The following GPR107 variants were observed in gnomAD, a reference collection of about 807,000 sequenced individuals.
GPR107 encodes the protein protein GPR107.
In GPR107, 31 loss-of-function variants were observed where a neutral mutation model predicts 75.5. That is an observed-to-expected ratio of 0.41 (90% CI 0.31 to 0.55). The LOEUF is 0.55. Among genes scored for constraint, GPR107 ranks in the 20% least tolerant of loss-of-function variants. The pLI, the probability that GPR107 is intolerant of heterozygous loss-of-function variation, is 0.26. For missense variants in GPR107, 572 were observed against 665.7 expected (o/e 0.86, Z 1.55); for synonymous variants, 267 against 251.3 (o/e 1.06, Z -0.59).
intron 1 of GPR107, among the ~76,000 whole-genome samples, chr9:130,058,589 C>T (rs755000787): frequency 6.6e-6 from 1 of 151,968 alleles, no homozygotes; most frequent in Non-Finnish European, 1.5e-5. Flanking sequence ...CTCAGCCTCC[C>T]GAGTAGCTGA....
intron 8 of GPR107, among the ~76,000 whole-genome samples, chr9:130,091,703 T>G (rs958035553): frequency 6.6e-6 from 1 of 151,264 alleles, no homozygotes; most frequent in Non-Finnish European, 1.5e-5. Flanking sequence ...TAATTTTTTT[T>G]TTTTTTTTTC....
chr9:130,110,528 G>A (rs1233142530), intron 14 of GPR107: 6 of 716,982 alleles, frequency 8.4e-6, no homozygotes, highest in Non-Finnish European at 1.5e-5. Context: ...GAGGGACAGA[G>A]CAGATTAGAA....
intron 14 of GPR107, among the ~76,000 whole-genome samples, chr9:130,113,930 G>A (rs1297533423): frequency 6.7e-6 from 1 of 150,268 alleles, no homozygotes; most frequent in Non-Finnish European, 1.5e-5. Context: ...CTCCCTCACA[G>A]CAAGTTGAAT....
intron 1 of GPR107, among the ~76,000 whole-genome samples, chr9:130,064,250 T>A (rs1443980599): frequency 7.7e-6 from 1 of 129,508 alleles, no homozygotes; most frequent in Non-Finnish European, 1.6e-5. Context: ...GACTGCGGAC[T>A]GCAGTGGCGC....
chr9:130,094,977 G>A (rs907122991), intron 9 of GPR107, among the ~76,000 whole-genome samples: 17 of 152,082 alleles, frequency 1.1e-4, no homozygotes, highest in African/African-American at 3.4e-4. Flanking sequence ...CACTGCGCCC[G>A]GCCTCTGTTG....
intron 5 of GPR107, 92 bp from the exon 6 acceptor site, chr9:130,083,473 A>T (rs1830540681): frequency 1.5e-6 from 1 of 670,276 alleles, no homozygotes; most frequent in East Asian, 3.2e-5. Flanking sequence ...GATATTAGAC[A>T]AGCTGAAGCC....
chr9:130,092,204 G>A (rs2132592517), intron 8 of GPR107, 44 bp from the exon 9 acceptor site: 5 of 1,554,694 alleles, frequency 3.2e-6, no homozygotes, highest in Non-Finnish European at 4.4e-6. Context: ...AATAAGGGAT[G>A]ATATGTTTCT....
intron 14 of GPR107, among the ~76,000 whole-genome samples, chr9:130,121,210 A>C (rs1339003717): frequency 6.6e-6 from 1 of 151,882 alleles, no homozygotes; most frequent in African/African-American, 2.4e-5. Flanking sequence ...AACAAAACAA[A>C]ACAAAACAAA....
At chr9:130,054,855 T>C (rs1168429375) in intron 1 of GPR107, among the ~76,000 whole-genome samples, 1 of 152,084 alleles carries the variant, frequency 6.6e-6, no homozygotes. Flanking sequence ...TGCAGGAGGA[T>C]TGTTTGAGCC....
intron 13 of GPR107, among the ~76,000 whole-genome samples, chr9:130,106,850 G>A (rs1201161086): frequency 6.6e-6 from 1 of 152,012 alleles, no homozygotes; most frequent in Non-Finnish European, 1.5e-5. Flanking sequence ...CTGTCTGCCT[G>A]TGCCCTGTTC....
intron 17 of GPR107, among the ~76,000 whole-genome samples, chr9:130,132,825 ATATT>A (rs2132661296): frequency 1.1e-5 from 1 of 90,818 alleles, no homozygotes; most frequent in African/African-American, 4.1e-5. Context: ...ATATTTTTAT[ATATT>A]TATATATATA....
chr9:130,122,846 C>T (rs1265774466), intron 14 of GPR107, among the ~76,000 whole-genome samples: 1 of 152,100 alleles, frequency 6.6e-6, no homozygotes, highest in Non-Finnish European at 1.5e-5. Context: ...ACTAAAAATA[C>T]AAAAATTAGT....
intron 1 of GPR107, among the ~76,000 whole-genome samples, chr9:130,069,683 TTTTTA>T (rs753967820): frequency 2.0e-5 from 3 of 152,126 alleles, no homozygotes; most frequent in Non-Finnish European, 4.4e-5. Context: ...ACTTTCTTTC[TTTTTA>T]TTTTATTTAT....
rs144649486 is a variant in GPR107, at chr9:130,085,457, C to T, written c.565-963C>T. ...ACAGCTTTGTTGAAGTATAATTGACCTAAAATAAACTGTAGATATGTAAAG... is the reference window on the plus strand; with the variant it reads ...ACAGCTTTGTTGAAGTATAATTGACTTAAAATAAACTGTAGATATGTAAAG... On this transcript the variant is annotated intron_variant, in intron 6 of 17. Transcript: ENST00000347136. 9.9e-4 allele frequency among the ~76,000 whole-genome samples: 150 copies of T among 152,162 alleles called. 1 individual carries two copies. The highest frequency in any genetic ancestry group is 3.5e-3 in the African/African-American group (144 of 41,498).
intron 14 of GPR107, chr9:130,110,269 C>T (rs1831263476): frequency 9.6e-6 from 7 of 726,102 alleles, no homozygotes; most frequent in African/African-American, 1.7e-5. Context: ...ATGGGGTCAG[C>T]GTTGTCCCCC....
At chr9:130,124,447 G>T (rs990305931) in intron 14 of GPR107, among the ~76,000 whole-genome samples, 1 of 152,154 alleles carries the variant, frequency 6.6e-6, no homozygotes, top group African/African-American at 2.4e-5. Flanking sequence ...TGCATCTGTG[G>T]GTTTATTGAA....
chr9:130,127,934 C>T (rs1246817206), intron 16 of GPR107, among the ~76,000 whole-genome samples: 1 of 152,192 alleles, frequency 6.6e-6, no homozygotes, highest in Non-Finnish European at 1.5e-5. Context: ...AACACCTGAT[C>T]TCAAGTGATC....
intron 14 of GPR107, among the ~76,000 whole-genome samples, chr9:130,114,952 C>T (rs1831385692): frequency 6.6e-6 from 1 of 152,132 alleles, no homozygotes. Context: ...GTCTGTTAGT[C>T]CAGGGCAGCT....
At chr9:130,092,202 A>T (rs1241091742) in intron 8 of GPR107, 46 bp from the exon 9 acceptor site, 1 of 1,541,812 alleles carries the variant, frequency 6.5e-7, no homozygotes, top group South Asian at 1.1e-5. Context: ...TGAATAAGGG[A>T]TGATATGTTT....
Sources: allele counts gnomAD v4.1 joint callset (sites outside exome capture counted in the v4.1 genomes callset), GRCh38; gene constraint gnomAD v4.1.1; transcripts MANE v1.5; gene names NCBI Gene and HGNC (gene_info 2026-07-23, HGNC 2026-07-21).